Variants in GLIS3 observed in about 807,000 individuals in gnomAD.
GLIS3 encodes zinc finger protein GLIS3.
Under a neutral mutation model 78.6 loss-of-function variants are expected in GLIS3, and 53 were observed. The ratio of observed to expected loss-of-function variants is 0.67; its 90% confidence interval spans 0.54 to 0.85. GLIS3 has a LOEUF of 0.85. Ranked by LOEUF, GLIS3 falls within the 40% of genes least tolerant of loss-of-function variation. The pLI is 0.00. For synonymous variants in GLIS3, 684 were observed against 509.9 expected (o/e 1.34, Z -4.60); for missense variants, 1,703 against 1,231.1 (o/e 1.38, Z -5.74).
chr9:3,844,198 C>T (rs991197495), intron 9 of GLIS3, among the ~76,000 whole-genome samples: 1 of 152,116 alleles, frequency 6.6e-6, no homozygotes, highest in African/African-American at 2.4e-5. Context: ...AAGAGAGTGG[C>T]CTCGCTACCA....
At chr9:3,968,363 T>A (rs1246982981) in intron 4 of GLIS3, among the ~76,000 whole-genome samples, 1 of 152,184 alleles carries the variant, frequency 6.6e-6, no homozygotes, top group Non-Finnish European at 1.5e-5. Flanking sequence ...GGTAGCCTAA[T>A]TAAATAATAC....
At chr9:4,272,425 A>C (rs757936304) in intron 2 of GLIS3, among the ~76,000 whole-genome samples, 3 of 152,172 alleles carry the variant, frequency 2.0e-5, no homozygotes, top group Non-Finnish European at 2.9e-5. Flanking sequence ...TCCTATGGAA[A>C]TATTTAGGGC....
chr9:4,429,326 C>T, the GLIS3 span, among the ~76,000 whole-genome samples: 4 of 151,666 alleles, frequency 2.6e-5, no homozygotes, highest in Non-Finnish European at 5.9e-5. Context: ...ATGCCCCCAA[C>T]TCTCCCTTAT....
intron 4 of GLIS3, among the ~76,000 whole-genome samples, chr9:4,066,514 A>G (rs966223467): frequency 3.1e-4 from 47 of 152,096 alleles, no homozygotes; most frequent in African/African-American, 1.1e-3. Context: ...TTCTCTCCCT[A>G]CTACTCTAGG....
At chr9:4,106,211 C>G (rs1830740400) in intron 4 of GLIS3, among the ~76,000 whole-genome samples, 2 of 152,134 alleles carry the variant, frequency 1.3e-5, no homozygotes, top group Admixed American at 1.3e-4. Context: ...TTATCTAAAG[C>G]CACTGGAAAG....
At chr9:4,357,607 T>C in the GLIS3 span, among the ~76,000 whole-genome samples, 1 of 150,926 alleles carries the variant, frequency 6.6e-6, no homozygotes, top group Non-Finnish European at 1.5e-5. Context: ...ATGTGTCTTC[T>C]ATTGGGTCTG....
intron 2 of GLIS3, among the ~76,000 whole-genome samples, chr9:4,256,568 G>A (rs893921779): frequency 2.6e-5 from 4 of 152,078 alleles, no homozygotes; most frequent in African/African-American, 9.7e-5. Flanking sequence ...ATGGTAAGTT[G>A]GCAACATATA....
At chr9:4,387,239 G>T in the GLIS3 span, among the ~76,000 whole-genome samples, 1 of 152,212 alleles carries the variant, frequency 6.6e-6, no homozygotes, top group South Asian at 2.1e-4. Flanking sequence ...TTCTATTTTG[G>T]TTTGGTTTGT....
chr9:4,405,924 T>A, the GLIS3 span, among the ~76,000 whole-genome samples: 2,737 of 152,304 alleles, frequency 0.018, 77 homozygotes, highest in African/African-American at 0.062. Flanking sequence ...CATACGTCCA[T>A]CAATGTGACA....
chr9:4,136,916 A>G (rs186292992), intron 2 of GLIS3, among the ~76,000 whole-genome samples: 1 of 152,300 alleles, frequency 6.6e-6, no homozygotes, highest in East Asian at 1.9e-4. Context: ...TCCACTGCAA[A>G]CCAACTAAAC....
At chr9:4,400,637 C>G in the GLIS3 span, among the ~76,000 whole-genome samples, 1 of 152,206 alleles carries the variant, frequency 6.6e-6, no homozygotes, top group Non-Finnish European at 1.5e-5. Flanking sequence ...TTCTCTTACA[C>G]AAAAACCTCA....
chr9:3,954,580 A>C (rs1488830143), intron 4 of GLIS3, among the ~76,000 whole-genome samples: 2 of 152,256 alleles, frequency 1.3e-5, no homozygotes, highest in African/African-American at 4.8e-5. Flanking sequence ...TTTTTCACCA[A>C]GTAATCCATA....
intron 2 of GLIS3, among the ~76,000 whole-genome samples, chr9:4,181,765 G>A (rs1032471430): frequency 6.6e-6 from 1 of 152,162 alleles, no homozygotes; most frequent in Non-Finnish European, 1.5e-5. Context: ...ATTGCTGCTG[G>A]GAGTCCTGTG....
At chr9:4,277,617 A>G (rs957087590) in intron 2 of GLIS3, among the ~76,000 whole-genome samples, 2 of 152,228 alleles carry the variant, frequency 1.3e-5, no homozygotes, top group Non-Finnish European at 2.9e-5. Context: ...GCTAATGAAT[A>G]ACTAACTCCC....
At chr9:4,157,059 A>G (rs973948948) in intron 2 of GLIS3, among the ~76,000 whole-genome samples, 2 of 152,178 alleles carry the variant, frequency 1.3e-5, no homozygotes, top group Non-Finnish European at 2.9e-5. Context: ...TTCCATTAAC[A>G]TATATGATTA....
the GLIS3 span, among the ~76,000 whole-genome samples, chr9:4,370,625 G>C: frequency 6.6e-6 from 1 of 151,794 alleles, no homozygotes; most frequent in Admixed American, 6.6e-5. Flanking sequence ...ATAATATCAG[G>C]ATTTCTAAAT....
At chr9:4,321,158 C>A (rs970470944) in intron 2 of GLIS3, among the ~76,000 whole-genome samples, 12 of 151,442 alleles carry the variant, frequency 7.9e-5, no homozygotes, top group African/African-American at 2.9e-4. Context: ...CGGTGGCTCA[C>A]GCCTGTAATC....
At chr9:4,049,766 C>G (rs1417934463) in intron 4 of GLIS3, among the ~76,000 whole-genome samples, 1 of 151,990 alleles carries the variant, frequency 6.6e-6, no homozygotes, top group Non-Finnish European at 1.5e-5. Context: ...AAACAAACAA[C>G]CCCATCAAAA....
intron 2 of GLIS3, among the ~76,000 whole-genome samples, chr9:4,229,615 G>C (rs924845316): frequency 2.6e-5 from 4 of 152,002 alleles, no homozygotes; most frequent in African/African-American, 9.7e-5. Flanking sequence ...TTAAGATGAA[G>C]AAAAAAATAT....
Sources: allele counts gnomAD v4.1 joint callset (sites outside exome capture counted in the v4.1 genomes callset), GRCh38; gene constraint gnomAD v4.1.1; transcripts MANE v1.5; gene names NCBI Gene and HGNC (gene_info 2026-07-23, HGNC 2026-07-21).